Variants in INPP5D observed in about 807,000 individuals in gnomAD.
The protein encoded by INPP5D is phosphatidylinositol 3,4,5-trisphosphate 5-phosphatase 1.
Under a neutral mutation model 122.9 loss-of-function variants are expected in INPP5D, and 33 were observed. The ratio of observed to expected loss-of-function variants is 0.27; its 90% CI spans 0.20 to 0.36. INPP5D has a LOEUF of 0.36. Ranked by LOEUF, INPP5D falls within the 10% of genes least tolerant of loss-of-function variation. The pLI is 1.00. For missense variants in INPP5D, 1,053 were observed against 1,412.7 expected (o/e 0.75, Z 4.08); for synonymous variants, 584 against 576.2 (o/e 1.01, Z -0.19).
chr2:233,185,750 T>C (rs988195942), intron 20 of INPP5D, 93 bp from the exon 21 acceptor site: 4 of 698,584 alleles, frequency 5.7e-6, no homozygotes, highest in Non-Finnish European at 7.9e-6. Flanking sequence ...AGAGAGCACA[T>C]CTTCCTAGGT....
rs764264748 is a variant in INPP5D, at chr2:233,146,189, A to G, written c.781A>G (p.Met261Val). 7.1e-6 allele frequency: 5 copies of G among 704,184 alleles called. No homozygotes were observed. Among genetic ancestry groups the G allele is most frequent in the Non-Finnish European group, 7.8e-6 (3 of 384,970 alleles). The allele number at this position is 704,184 out of a possible 1,614,324, so 43.6% of individuals were successfully genotyped here. Residue 261 changes from methionine to valine, a missense_variant, in exon 7 of 27, where the codon ATG becomes GTG. Physicochemically the swap from Met to Val is conservative, Grantham distance 21. Around this residue, in one of 6 missense-constraint regions of INPP5D, gnomAD observed 196 missense variants for 175.6 expected, o/e 1.12. Transcript: ENST00000445964. ...TCCTGGTGAGGCCAATCCCATCAAC[A>G]TGGTGTCCAAGCTCAGCCAACTGAC... is the stretch of plus-strand genomic sequence containing the variant. ...QVPGEANPIN[M>V]VSKLSQLTSL...
At chr2:233,140,790 T>G (rs984546706) in intron 6 of INPP5D, 1 of 152,226 alleles carries the variant, frequency 6.6e-6, no homozygotes, top group Non-Finnish European at 1.5e-5. Context: ...TGCCCCAGCC[T>G]TCTGAAGTGC....
intron 24 of INPP5D, among the ~76,000 whole-genome samples, chr2:233,196,663 G>A (rs1695192751): frequency 6.6e-6 from 1 of 152,172 alleles, no homozygotes; most frequent in Admixed American, 6.5e-5. Context: ...CCAGAATACA[G>A]ACGTCCTTGG....
intron 1 of INPP5D, among the ~76,000 whole-genome samples, chr2:233,067,382 T>C (rs1254428294): frequency 6.6e-6 from 1 of 152,224 alleles, no homozygotes; most frequent in Non-Finnish European, 1.5e-5. Context: ...ATCACTCCTC[T>C]CCAGGGCTGA....
At position 233,114,451 on chromosome 2, in the gene INPP5D, T is replaced by A. The variant is rs976132142; in HGVS notation, c.199-7656T>A. ...CCAGGCCGGGAGGAGGTGGCCCCCA[T>A]CCCTAGTAAGAGCTGGACAGGAGGC... is the stretch of plus-strand genomic sequence containing the variant. On this transcript the variant is annotated intron_variant, in intron 2 of 26. Coordinates refer to ENST00000445964, the MANE Select transcript of INPP5D (RefSeq NM_001017915.3). Among the ~76,000 whole-genome samples, 4 of 152,158 alleles carry A rather than the reference T, an allele frequency of 2.6e-5. No individual in the cohort carries two copies. The South Asian group carries it at 6.2e-4, about 24-fold the overall frequency.
chr2:233,167,241 CATG>C (rs1048397239), intron 13 of INPP5D, among the ~76,000 whole-genome samples: 60 of 148,490 alleles, frequency 4.0e-4, no homozygotes, highest in African/African-American at 1.4e-3. Context: ...CATAGTAGTG[CATG>C]CCTGTGGGCC....
chr2:233,090,786 C>T (rs1691969620), intron 2 of INPP5D, among the ~76,000 whole-genome samples: 1 of 151,966 alleles, frequency 6.6e-6, no homozygotes, highest in Admixed American at 6.6e-5. Flanking sequence ...GGCAAAACCC[C>T]ATCTCTACTA....
At chr2:233,109,360 C>A (rs1341470232) in intron 2 of INPP5D, among the ~76,000 whole-genome samples, 1 of 152,218 alleles carries the variant, frequency 6.6e-6, no homozygotes, top group African/African-American at 2.4e-5. Flanking sequence ...GCTGCAGTCA[C>A]CTCACCCTCG....
chr2:233,167,633 C>A (rs1418164084), intron 13 of INPP5D, among the ~76,000 whole-genome samples: 1 of 152,212 alleles, frequency 6.6e-6, no homozygotes, highest in Non-Finnish European at 1.5e-5. Flanking sequence ...TGTACTCCCC[C>A]ACTGGGTCCT....
In INPP5D at chr2:233,197,058, G is replaced by C. The variant is rs1196694357; in HGVS notation, c.2694-1037G>C. 6.6e-6 allele frequency among the ~76,000 whole-genome samples: 1 copy of C among 151,604 alleles called. No individual in the cohort carries two copies. Among genetic ancestry groups the C allele is most frequent in the East Asian group, 1.9e-4 (1 of 5,150 alleles). On this transcript the variant is annotated intron_variant, in intron 24 of 26. Transcript: ENST00000445964. The surrounding 1 kb of genome is among the most constrained non-coding windows in gnomAD (Gnocchi z 4.4). Reference sequence around the variant, plus strand: ...AGGGAAACAAATTCTTTTCCATTTTGACTAGCATGAGAACGAGCATTTATT... The same window carrying C: ...AGGGAAACAAATTCTTTTCCATTTTCACTAGCATGAGAACGAGCATTTATT...
rs549784873 is a variant in INPP5D, at chr2:233,078,540, C to T, written c.135-795C>T. ...GGGGTGGCAGGGAGCTCAGCGGGAA[C>T]GAGGTGCTGAGTGATCCCTGCCCCT... On this transcript the variant is annotated intron_variant, in intron 1 of 26. Coordinates refer to ENST00000445964, the MANE Select transcript of INPP5D (RefSeq NM_001017915.3). This position sits in a 1 kb window ranked among gnomAD's most constrained non-coding sequence, Gnocchi z 4.6. Among the ~76,000 whole-genome samples, 1 of 152,302 alleles carries T rather than the reference C, an allele frequency of 6.6e-6. No individual in the cohort carries two copies. Among genetic ancestry groups the T allele is most frequent in the East Asian group, 1.9e-4 (1 of 5,180 alleles).
At chr2:233,149,047 A>C (rs527678888) in intron 9 of INPP5D, among the ~76,000 whole-genome samples, 35 of 152,024 alleles carry the variant, frequency 2.3e-4, no homozygotes, top group African/African-American at 7.2e-4. Flanking sequence ...CTGAAGTTCA[A>C]ATTTAACTGG....
At chr2:233,139,672 G>T (rs1693592758) in intron 5 of INPP5D, among the ~76,000 whole-genome samples, 170 bp from the exon 6 acceptor site, 1 of 152,192 alleles carries the variant, frequency 6.6e-6, no homozygotes, top group African/African-American at 2.4e-5. Context: ...GGGATGGGTG[G>T]GCCAGTGCTG....
chr2:233,144,823 T>TTTC (rs1463738669), intron 6 of INPP5D, among the ~76,000 whole-genome samples: 6 of 151,912 alleles, frequency 3.9e-5, no homozygotes, highest in Non-Finnish European at 8.8e-5. Context: ...GGTGGTGCTG[T>TTTC]TGAAGGGGAT....
intron 2 of INPP5D, among the ~76,000 whole-genome samples, chr2:233,110,963 G>A (rs933122542): frequency 3.3e-4 from 50 of 151,378 alleles, no homozygotes; most frequent in Non-Finnish European, 1.2e-4. Flanking sequence ...CTGTTGCTTC[G>A]ACAGTTATTT....
intron 5 of INPP5D, among the ~76,000 whole-genome samples, chr2:233,138,812 C>T (rs1693566194): frequency 6.6e-6 from 1 of 151,992 alleles, no homozygotes; most frequent in South Asian, 2.1e-4. Flanking sequence ...GTGGTGCGAT[C>T]TCGGCTCACT....
In INPP5D at chr2:233,197,178, C is replaced by T. The variant is rs188179567; in HGVS notation, c.2694-917C>T. Among the ~76,000 whole-genome samples, 23 of 152,302 alleles carry T rather than the reference C, an allele frequency of 1.5e-4. No homozygotes were observed. Among genetic ancestry groups the T allele is most frequent in the Admixed American group, 9.2e-4 (14 of 15,300 alleles). ...TGTGGAGTGTCCCTGACAGCCTATA[C>T]GCTCAGAACTCAGTTCTCAGGAGGC... On this transcript the variant is annotated intron_variant, in intron 24 of 26. Coordinates refer to ENST00000445964, the MANE Select transcript of INPP5D (RefSeq NM_001017915.3). The surrounding 1 kb of genome is among the most constrained non-coding windows in gnomAD (Gnocchi z 4.4).
intron 25 of INPP5D, among the ~76,000 whole-genome samples, chr2:233,202,988 G>A (rs1695378918): frequency 1.3e-5 from 2 of 152,324 alleles, no homozygotes; most frequent in South Asian, 2.1e-4. Context: ...TCCTTCCACT[G>A]TGAGTTAGGA....
chr2:233,089,182 G>C (rs984055081), intron 2 of INPP5D, among the ~76,000 whole-genome samples: 3 of 152,120 alleles, frequency 2.0e-5, no homozygotes, highest in African/African-American at 4.8e-5. Flanking sequence ...TTGAGGACAC[G>C]GGAGGGACCA....
Sources: allele counts gnomAD v4.1 joint callset (sites outside exome capture counted in the v4.1 genomes callset), GRCh38; gene constraint gnomAD v4.1.1; regional missense constraint gnomAD v4.1.1; non-coding constraint Gnocchi (gnomAD v3.1); transcripts MANE v1.5; gene names NCBI Gene and HGNC (gene_info 2026-07-23, HGNC 2026-07-21).